Variants in NPAS3 observed in about 807,000 individuals in gnomAD.
NPAS3 encodes neuronal PAS domain-containing protein 3.
NPAS3 carries 14 observed loss-of-function variants against 73.1 expected under a neutral mutation model. The ratio of observed to expected loss-of-function variants is 0.19; its 90% CI spans 0.13 to 0.30. The LOEUF (loss-of-function observed/expected upper bound fraction) is 0.30, where lower values mean the gene tolerates loss of function less well. Among genes scored for constraint, NPAS3 ranks in the 10% least tolerant of loss-of-function variants. The pLI is 1.00. For missense variants in NPAS3, 1,096 were observed against 1,250.0 expected (o/e 0.88, Z 1.86); for synonymous variants, 620 against 541.5 (o/e 1.14, Z -2.01).
intron 2 of NPAS3, among the ~76,000 whole-genome samples, chr14:33,061,132 C>T (rs539007868): frequency 6.6e-6 from 1 of 152,260 alleles, no homozygotes; most frequent in African/African-American, 2.4e-5. Flanking sequence ...CCAATTAAGG[C>T]GAACAAGACA....
At chr14:33,571,726 C>G (rs1050053990) in intron 5 of NPAS3, among the ~76,000 whole-genome samples, 4 of 152,200 alleles carry the variant, frequency 2.6e-5, no homozygotes, top group Non-Finnish European at 4.4e-5. Flanking sequence ...ACTAAATTAT[C>G]TCTGTAGAAG....
intron 1 of NPAS3, among the ~76,000 whole-genome samples, chr14:33,036,515 C>T (rs893809014): frequency 6.6e-6 from 1 of 152,028 alleles, no homozygotes; most frequent in Non-Finnish European, 1.5e-5. Context: ...AAGCAAAATT[C>T]CTGGACTCCA....
At chr14:33,578,229 T>TG in intron 5 of NPAS3, 1 of 456,010 alleles carries the variant, frequency 2.2e-6, no homozygotes, top group Non-Finnish European at 4.4e-6. Flanking sequence ...GTTTTACTCT[T>TG]GTTGCCCAGG....
Position 33,259,958 on chromosome 14 carries a change from A to G in NPAS3, c.385+44532A>G, listed in dbSNP as rs549357328. ...TATGAGAGCCAAAGAGGAGGAAACG[A>G]AATCACAGGGGAGTTGCCCTGAACA... On this transcript the variant is annotated intron_variant, in intron 3 of 11. Coordinates refer to ENST00000356141, the Ensembl canonical transcript of NPAS3. Among the ~76,000 whole-genome samples the G allele has an allele frequency of 7.2e-5, 11 of 152,216 alleles. No individual in the cohort carries two copies. In the South Asian group the frequency reaches 2.3e-3, roughly 32 times the overall value.
chr14:33,453,928 G>T (rs2049913385), intron 4 of NPAS3, among the ~76,000 whole-genome samples: 1 of 152,208 alleles, frequency 6.6e-6, no homozygotes, highest in South Asian at 2.1e-4. Context: ...GACCTCAAGT[G>T]ATCTGCCTGC....
At position 33,448,434 on chromosome 14, in the gene NPAS3, C is replaced by T. The variant is rs1052978045; in HGVS notation, c.468+81166C>T. Among the ~76,000 whole-genome samples the T allele has an allele frequency of 7.9e-5, 12 of 152,098 alleles. 1 individual carries two copies. Among genetic ancestry groups the T allele is most frequent in the Admixed American group, 6.6e-5 (1 of 15,264 alleles). ...GGAAATGGCAACTGCAAAAGAAGCT[C>T]GTGAGCTCCATGCGGAAGGGTCGCT... On this transcript the variant is annotated intron_variant, in intron 4 of 11. Coordinates refer to ENST00000356141, the Ensembl canonical transcript of NPAS3.
At chr14:32,977,067 CAT>C (rs1491026535) in intron 1 of NPAS3, among the ~76,000 whole-genome samples, 2 of 151,696 alleles carry the variant, frequency 1.3e-5, no homozygotes, top group South Asian at 2.1e-4. Context: ...CACACACACA[CAT>C]ACACACACAC....
intron 4 of NPAS3, among the ~76,000 whole-genome samples, chr14:33,481,370 G>A (rs1455802304): frequency 6.6e-6 from 1 of 152,150 alleles, no homozygotes; most frequent in African/African-American, 2.4e-5. Context: ...TTCAAATAAG[G>A]TTAAAGACAC....
chr14:33,205,442 T>C (rs969650212), intron 2 of NPAS3, among the ~76,000 whole-genome samples: 3 of 152,216 alleles, frequency 2.0e-5, no homozygotes, highest in Non-Finnish European at 2.9e-5. Context: ...TCGACAAATT[T>C]CTAAGCCTTT....
At chr14:33,100,689 C>T (rs542731350) in intron 2 of NPAS3, among the ~76,000 whole-genome samples, 2 of 152,112 alleles carry the variant, frequency 1.3e-5, no homozygotes, top group Non-Finnish European at 2.9e-5. Flanking sequence ...AGTTCTGGAA[C>T]ATAAATTATT....
intron 6 of NPAS3, among the ~76,000 whole-genome samples, chr14:33,704,308 T>C (rs1195856531): frequency 6.6e-6 from 1 of 152,254 alleles, no homozygotes; most frequent in Admixed American, 6.5e-5. Context: ...TTTTAAGTTC[T>C]TGTAACAACA....
intron 3 of NPAS3, among the ~76,000 whole-genome samples, chr14:33,236,413 A>G (rs566119533): frequency 1.6e-4 from 24 of 152,020 alleles, no homozygotes; most frequent in African/African-American, 5.5e-4. Context: ...TTGAAAGTAT[A>G]TATTATCCAT....
intron 2 of NPAS3, among the ~76,000 whole-genome samples, chr14:33,081,755 C>T (rs1180194469): frequency 6.6e-6 from 1 of 152,190 alleles, no homozygotes; most frequent in Non-Finnish European, 1.5e-5. Context: ...CATTTGCTGT[C>T]TAGTCTCAGC....
intron 3 of NPAS3, among the ~76,000 whole-genome samples, chr14:33,337,563 T>G (rs1225480435): frequency 1.3e-5 from 2 of 151,998 alleles, no homozygotes; most frequent in Non-Finnish European, 2.9e-5. Flanking sequence ...GCTTTCACTA[T>G]TCTAGATTAT....
chr14:33,197,237 C>CTGTGTG (rs11268151), intron 2 of NPAS3, among the ~76,000 whole-genome samples: 10,362 of 135,238 alleles, frequency 0.077, 503 homozygotes, highest in African/African-American at 0.14. Context: ...CTCCAGCAGG[C>CTGTGTG]TGTGTGTGTG....
intron 6 of NPAS3, among the ~76,000 whole-genome samples, chr14:33,730,649 G>A (rs1264852498): frequency 6.6e-6 from 1 of 152,138 alleles, no homozygotes; most frequent in Non-Finnish European, 1.5e-5. Context: ...ACTCCGTGTG[G>A]CTGAGGAAGT....
intron 2 of NPAS3, among the ~76,000 whole-genome samples, chr14:33,087,026 A>T (rs752801893): frequency 6.6e-6 from 1 of 151,674 alleles, no homozygotes; most frequent in African/African-American, 2.4e-5. Context: ...TTTAAATTTC[A>T]ACAAGTGTGG....
chr14:33,195,609 C>A (rs752121186), intron 2 of NPAS3, among the ~76,000 whole-genome samples: 2 of 152,162 alleles, frequency 1.3e-5, no homozygotes, highest in Non-Finnish European at 2.9e-5. Context: ...AGAGCTGTAA[C>A]CTTTGTATAA....
chr14:32,956,525 C>T (rs1039652892), intron 1 of NPAS3, among the ~76,000 whole-genome samples: 1 of 152,138 alleles, frequency 6.6e-6, no homozygotes, highest in Non-Finnish European at 1.5e-5. Flanking sequence ...TTGAACTTAA[C>T]ACATTAAAAG....
Sources: gnomAD v4.1 joint callset for allele counts (sites outside exome capture counted in the v4.1 genomes callset) on GRCh38, gnomAD v4.1.1 for gene constraint, MANE v1.5 for transcripts, NCBI Gene and HGNC (gene_info 2026-07-23, HGNC 2026-07-21) for gene names.